CIT: variants seen among roughly 807,000 people sequenced by gnomAD.
CIT encodes citron rho-interacting serine/threonine kinase.
A neutral mutation model predicts 272.7 loss-of-function variants in CIT; 79 were observed. That is an observed-to-expected ratio of 0.29 (90% CI 0.24 to 0.35). CIT has a LOEUF of 0.35. Ranked by LOEUF, CIT falls within the 10% of genes least tolerant of loss-of-function variation. The pLI, the probability that CIT is intolerant of heterozygous loss-of-function variation, is 1.00. For missense variants in CIT, 1,909 were observed against 2,618.3 expected (o/e 0.73, Z 5.91); for synonymous variants, 948 against 995.6 (o/e 0.95, Z 0.90).
Position 119,843,549 on chromosome 12 carries a change from C to T in CIT, c.516+6625G>A, listed in dbSNP as rs138176170. On this transcript the variant is annotated intron_variant, in intron 5 of 47. Coordinates refer to ENST00000392521, the MANE Select transcript of CIT (RefSeq NM_001206999.2). ...CTTCAGGGCCAGGCGTGGTGGTTCACGCCTGTAATTCCAGCACTTTGGGAG... is the reference window on the plus strand; with the variant it reads ...CTTCAGGGCCAGGCGTGGTGGTTCATGCCTGTAATTCCAGCACTTTGGGAG... 2.1e-3 allele frequency among the ~76,000 whole-genome samples: 323 copies of T among 152,154 alleles called. 2 individuals carry two copies. The highest frequency in any genetic ancestry group is 6.8e-3 in the East Asian group (35 of 5,166).
At chr12:119,776,312 T>C in intron 15 of CIT, 46 bp downstream of exon 15, 1 of 1,491,584 alleles carries the variant, frequency 6.7e-7, no homozygotes, top group Non-Finnish European at 9.3e-7. Context: ...TGAAAAAAGT[T>C]ATCTACCCAA....
intron 7 of CIT, among the ~76,000 whole-genome samples, chr12:119,829,604 CTT>C (rs1366347437): frequency 2.6e-5 from 4 of 152,172 alleles, no homozygotes; most frequent in African/African-American, 9.7e-5. Context: ...TTGATTATCA[CTT>C]ACTATGCTAT....
intron 25 of CIT, 78 bp from the exon 26 acceptor site, chr12:119,734,435 C>G (rs1248004570): frequency 6.9e-7 from 1 of 1,445,710 alleles, no homozygotes. Context: ...GGGTCAGTTT[C>G]AGAAAAGCAC....
chr12:119,782,661 AG>A lies in CIT; in HGVS notation c.1546-25del, dbSNP rs769927834. Reference sequence around the variant, plus strand: ...CTCTGCAGAAAGCAAAAATTTTAATAGGGATGCCCTGTGGATCCTGCTTTGT... The same window carrying A: ...CTCTGCAGAAAGCAAAAATTTTAATAGGATGCCCTGTGGATCCTGCTTTGT... On this transcript the variant is annotated intron_variant, in intron 12 of 47. Transcript: ENST00000392521. 2.2e-5 allele frequency: 36 copies of A among 1,612,764 alleles called. No individual in the cohort carries two copies. The Admixed American group carries it at 3.2e-4, about 14-fold the overall frequency.
intron 6 of CIT, 128 bp from the exon 7 acceptor site, chr12:119,832,992 G>A: frequency 1.8e-6 from 1 of 562,206 alleles, no homozygotes; most frequent in Non-Finnish European, 3.2e-6. Flanking sequence ...CTCTATTGGT[G>A]GATATAAATT....
chr12:119,841,035 T>A (rs1218387803), intron 5 of CIT, among the ~76,000 whole-genome samples: 1 of 152,008 alleles, frequency 6.6e-6, no homozygotes, highest in African/African-American at 2.4e-5. Flanking sequence ...AAAGAACTCA[T>A]CCCAAGCAGG....
intron 5 of CIT, among the ~76,000 whole-genome samples, chr12:119,840,839 T>A (rs1425369537): frequency 1.3e-5 from 2 of 152,206 alleles, no homozygotes; most frequent in African/African-American, 4.8e-5. Context: ...AAAACTATCA[T>A]AAGCTGCCAC....
intron 2 of CIT, among the ~76,000 whole-genome samples, chr12:119,873,550 G>A (rs1950748077): frequency 6.6e-6 from 1 of 151,998 alleles, no homozygotes; most frequent in African/African-American, 2.4e-5. Flanking sequence ...AAATTGCTAG[G>A]ATTACAGGCG....
intron 37 of CIT, chr12:119,711,230 C>A (rs768230121): frequency 3.5e-6 from 2 of 570,510 alleles, no homozygotes; most frequent in Non-Finnish European, 6.0e-6. Context: ...ATTGCTAACA[C>A]ATAAAGTGTT....
At chr12:119,855,538 A>G (rs951613782) in intron 4 of CIT, among the ~76,000 whole-genome samples, 1 of 152,052 alleles carries the variant, frequency 6.6e-6, no homozygotes. Flanking sequence ...TGTCTGCAGA[A>G]CAGCATCCCT....
intron 5 of CIT, among the ~76,000 whole-genome samples, chr12:119,847,800 AG>A (rs1566121048): frequency 6.6e-6 from 1 of 152,106 alleles, no homozygotes; most frequent in African/African-American, 2.4e-5. Context: ...CTGAGGCAAG[AG>A]AATCGCTTGA....
chr12:119,822,932 G>A lies in CIT; in HGVS notation c.999C>T (p.Asp333=), dbSNP rs765956573. 6.2e-7 allele frequency: 1 copy of A among 1,613,672 alleles called. No individual in the cohort carries two copies. Among genetic ancestry groups the A allele is most frequent in the Non-Finnish European group, 8.5e-7 (1 of 1,179,940 alleles). ...KFPDDPKVSS[D]FLDLIQSLLC... ...ACAAGCTTTGAATCAGATCAAGAAA[G>A]TCACTGCTCACTTTGGGGTCATCTG... The change falls in exon 9 of 48, where the codon GAC becomes GAT. Residue 333 remains aspartate, a synonymous_variant. Coordinates refer to ENST00000392521, the MANE Select transcript of CIT (RefSeq NM_001206999.2).
Position 119,734,322 on chromosome 12 carries a change from C to T in CIT, c.3192G>A (p.Leu1064=), listed in dbSNP as rs200314282. 6.2e-7 allele frequency: 1 copy of T among 1,613,816 alleles called. No homozygotes were observed. Among genetic ancestry groups the T allele is most frequent in the South Asian group, 1.1e-5 (1 of 91,068 alleles). ...CCTCCAAATCCATGACCTGTTCCTC[C>T]AGCATGGTGCACGTGGTCTTCAGAG... ...MEALKTTCTM[L]EEQVMDLEAL... is the part of the protein sequence containing the mutation. Residue 1064 remains leucine (L), a synonymous_variant, in exon 26 of 48, where the codon CTG becomes CTA. Transcript: ENST00000392521.
chr12:119,850,998 G>T (rs1414055838), intron 4 of CIT, among the ~76,000 whole-genome samples: 1 of 152,228 alleles, frequency 6.6e-6, no homozygotes, highest in Admixed American at 6.5e-5. Flanking sequence ...TCAGAGAAGA[G>T]AATTACAAAC....
chr12:119,704,773 AC>A (rs1223623024), intron 40 of CIT, among the ~76,000 whole-genome samples: 1 of 152,184 alleles, frequency 6.6e-6, no homozygotes, highest in Non-Finnish European at 1.5e-5. Flanking sequence ...TCAGGGAGGC[AC>A]CTGACACCAC....
At chr12:119,724,509 C>G (rs573560174) in intron 28 of CIT, among the ~76,000 whole-genome samples, 5 of 152,064 alleles carry the variant, frequency 3.3e-5, no homozygotes, top group African/African-American at 1.2e-4. Context: ...AGTATTTAGG[C>G]CAAGGTTCAA....
intron 37 of CIT, chr12:119,711,130 C>G: frequency 6.6e-6 from 9 of 1,364,098 alleles, no homozygotes; most frequent in Non-Finnish European, 8.8e-6. Flanking sequence ...TCAGTAAAAG[C>G]TCACGTGTGA....
intron 32 of CIT, among the ~76,000 whole-genome samples, chr12:119,716,993 A>G (rs1390629038): frequency 6.6e-6 from 1 of 152,250 alleles, no homozygotes; most frequent in East Asian, 1.9e-4. Context: ...CTTGCAGTGT[A>G]TACTGTAGTG....
chr12:119,840,809 A>G (rs1321800217), intron 5 of CIT, among the ~76,000 whole-genome samples: 2 of 152,202 alleles, frequency 1.3e-5, no homozygotes, highest in African/African-American at 4.8e-5. Flanking sequence ...AGAGATCAAA[A>G]CAGCACATGT....
Sources: allele counts gnomAD v4.1 joint callset (sites outside exome capture counted in the v4.1 genomes callset), GRCh38; gene constraint gnomAD v4.1.1; transcripts MANE v1.5; gene names NCBI Gene and HGNC (gene_info 2026-07-23, HGNC 2026-07-21).